MSN: variants seen among roughly 807,000 people sequenced by gnomAD.
MSN encodes epididymis luminal protein 70.
Under a neutral mutation model 48.0 loss-of-function variants are expected in MSN, and 2 were observed. The observed-to-expected ratio is 0.04, with a 90% confidence interval of 0.02 to 0.13. The LOEUF is 0.13. MSN is among the 10% of genes least tolerant of loss of function. MSN has a pLI of 1.00. For missense variants in MSN, 267 were observed against 470.1 expected (o/e 0.57, Z 3.99); for synonymous variants, 146 against 166.9 (o/e 0.87, Z 0.97).
intron 1 of MSN, among the ~76,000 whole-genome samples, chrX:65,617,433 G>T (rs2070385247): frequency 9.6e-6 from 1 of 104,560 alleles, no homozygotes; most frequent in African/African-American, 4.2e-5. Context: ...GTTTAGTCTT[G>T]GGAGAGTGTA....
intron 1 of MSN, among the ~76,000 whole-genome samples, chrX:65,708,418 G>A (rs1255550748): frequency 1.8e-5 from 2 of 109,973 alleles, no homozygotes; most frequent in African/African-American, 6.6e-5. Flanking sequence ...TCAGCCTCCC[G>A]AGTAGCTGGG....
rs140813723 is a variant in MSN at position 65,698,232 on chromosome X, G to A, written c.13-18586G>A. ...TCACTCATGTGTACACCCCACCCTC[G>A]CACATGGCATGTCTGTGTTCTTACC... On this transcript the variant is annotated intron_variant, in intron 1 of 12. Transcript: ENST00000360270. 8.1e-3 allele frequency among the ~76,000 whole-genome samples: 900 copies of A among 111,718 alleles called. 9 individuals are homozygous for A. Among genetic ancestry groups the A allele is most frequent in the African/African-American group, 0.024 (748 of 30,698 alleles).
chrX:65,621,258 G>T (rs751981558), intron 1 of MSN, among the ~76,000 whole-genome samples: 23 of 111,812 alleles, frequency 2.1e-4, no homozygotes, highest in Non-Finnish European at 9.4e-5. Context: ...TGCAAACAAG[G>T]TTGATACATT....
rs868613734 is a variant in MSN at position 65,618,436 on chromosome X, G to A, written c.-22+29824G>A. Among the ~76,000 whole-genome samples, 11 of 111,209 alleles carry A rather than the reference G, an allele frequency of 9.9e-5. 1 individual carries two copies. The highest frequency in any genetic ancestry group is 8.5e-3 in the Middle Eastern group (2 of 235). ...TTTAGGATAGTTAGCTCTTCTTGTT[G>A]AATTGATCCCTTTACCATTATGTAA... On this transcript the variant is annotated intron_variant, in intron 1 of 3. Transcript: ENST00000609672.
chrX:65,622,292 G>A (rs1378860551), intron 1 of MSN, among the ~76,000 whole-genome samples: 3 of 107,589 alleles, frequency 2.8e-5, no homozygotes, highest in African/African-American at 1.0e-4. Flanking sequence ...TAGATGTGGG[G>A]TTTCACCATG....
chrX:65,592,496 T>C (rs2070155851), intron 1 of MSN, among the ~76,000 whole-genome samples: 1 of 109,804 alleles, frequency 9.1e-6, no homozygotes, highest in Non-Finnish European at 1.9e-5. Flanking sequence ...GCCTGGTCTC[T>C]CTCTTCATCC....
chrX:65,623,245 T>G (rs1395249816), intron 1 of MSN, among the ~76,000 whole-genome samples: 1 of 110,447 alleles, frequency 9.1e-6, no homozygotes, highest in African/African-American at 3.3e-5. Context: ...CATCTGGCTT[T>G]GGTATTAGGT....
rs867589667 is a variant in MSN, at chrX:65,614,319, T to C, written c.-22+25707T>C. Among the ~76,000 whole-genome samples, 4 of 112,109 alleles carry C rather than the reference T, an allele frequency of 3.6e-5. No homozygotes were observed. In the South Asian group the frequency reaches 1.1e-3, roughly 31 times the overall value. ...TCAGCAAGTGTGATGCCTCCAGCTT[T>C]GTTCTTTTTGCTTAGGATTTTCTTG... On this transcript the variant is annotated intron_variant, in intron 1 of 3. Coordinates refer to the MSN transcript ENST00000609672.
At chrX:65,697,206 G>A (rs1391752465) in intron 1 of MSN, among the ~76,000 whole-genome samples, 5 of 110,227 alleles carry the variant, frequency 4.5e-5, no homozygotes, top group African/African-American at 1.7e-4. Flanking sequence ...CAGGCTGGGT[G>A]GGGGGTTGGG....
chrX:65,639,918 C>G (rs1461341004), intron 1 of MSN, among the ~76,000 whole-genome samples: 1 of 111,606 alleles, frequency 9.0e-6, no homozygotes, highest in Admixed American at 9.6e-5. Flanking sequence ...TCCATTAATT[C>G]AGATTATAAA....
At chrX:65,603,443 A>G (rs940832958) in intron 1 of MSN, among the ~76,000 whole-genome samples, 2 of 111,918 alleles carry the variant, frequency 1.8e-5, no homozygotes, top group Admixed American at 9.5e-5. Flanking sequence ...AGATGAAAGG[A>G]CAGGCTCAGA....
At chrX:65,718,242 A>AT in intron 2 of MSN, among the ~76,000 whole-genome samples, 1 of 110,229 alleles carries the variant, frequency 9.1e-6, no homozygotes, top group South Asian at 4.1e-4. Flanking sequence ...AAAATTATTG[A>AT]ACTCTCTGGG....
chrX:65,669,659 T>C (rs1164831087), intron 1 of MSN, among the ~76,000 whole-genome samples: 1 of 110,575 alleles, frequency 9.0e-6, no homozygotes, highest in African/African-American at 3.3e-5. Flanking sequence ...CTGAATCAAA[T>C]TGGAAGGAGA....
chrX:65,639,145 CT>C (rs1001247787), intron 1 of MSN, among the ~76,000 whole-genome samples: 1 of 111,221 alleles, frequency 9.0e-6, no homozygotes, highest in Non-Finnish European at 1.9e-5. Flanking sequence ...AGTTCATTTT[CT>C]TTTTTTTCTT....
chrX:65,723,441 A>G (rs747537100), intron 2 of MSN, among the ~76,000 whole-genome samples: 2 of 110,474 alleles, frequency 1.8e-5, no homozygotes, highest in Non-Finnish European at 3.8e-5. Context: ...GATTTTTTCC[A>G]TGGGAGCTTT....
intron 1 of MSN, among the ~76,000 whole-genome samples, chrX:65,648,762 C>G (rs767343839): frequency 1.1e-3 from 119 of 109,593 alleles, no homozygotes; most frequent in African/African-American, 3.8e-3. Context: ...ACTTGGGAGG[C>G]TGAGGCAGGA....
chrX:65,612,856 T>TTTC (rs1204618537), intron 1 of MSN, among the ~76,000 whole-genome samples: 25 of 107,029 alleles, frequency 2.3e-4, no homozygotes, highest in African/African-American at 8.4e-4. Flanking sequence ...CCATGGTGTT[T>TTTC]TTTTTTTTTG....
intron 7 of MSN, among the ~76,000 whole-genome samples, chrX:65,734,382 GT>G (rs751995396): frequency 2.9e-3 from 327 of 111,868 alleles, no homozygotes; most frequent in African/African-American, 9.7e-3. Context: ...GGTCAGGTAG[GT>G]ACTAAGTAGC....
chrX:65,667,591 C>G (rs1173229575), upstream of MSN: 166 of 897,020 alleles, frequency 1.9e-4, no homozygotes, highest in Non-Finnish European at 2.2e-4. Context: ...GGGAGGCGGG[C>G]GCGAGGGCGG....
Sources: allele counts gnomAD v4.1 joint callset (sites outside exome capture counted in the v4.1 genomes callset), GRCh38; gene constraint gnomAD v4.1.1; transcripts MANE v1.5; gene names NCBI Gene and HGNC (gene_info 2026-07-23, HGNC 2026-07-21).